The following NBPF20 variants were observed in gnomAD, a reference collection of about 807,000 sequenced individuals.
The protein encoded by NBPF20 is NBPF family member NBPF20.
A neutral mutation model predicts 68.1 loss-of-function variants in NBPF20; 90 were observed. The observed-to-expected ratio is 1.32, with a 90% confidence interval of 1.11 to 1.58. NBPF20 has a LOEUF of 1.58. Ranked by LOEUF, NBPF20 falls within the 40% of genes most tolerant of loss-of-function variation. NBPF20 has a pLI of 0.00. For missense variants in NBPF20, 816 were observed against 601.2 expected, an observed-to-expected ratio of 1.36 and a Z score of -3.74; for synonymous variants, 290 against 228.1, an observed-to-expected ratio of 1.27 and a Z score of -2.45.
exon 138 of NBPF20, chr1:145,291,415 T>G: frequency 6.2e-7 from 1 of 1,606,270 alleles, no homozygotes; most frequent in East Asian, 2.2e-5. Context: ...CCATGCCCAC[T>G]GACCCATCCT....
intron 9 of NBPF20, 188 bp downstream of exon 14, chr1:145,393,696 T>C (rs1295319927): frequency 6.9e-7 from 1 of 1,447,356 alleles, no homozygotes; most frequent in South Asian, 1.2e-5. Context: ...GGTTAGTAAA[T>C]GATAAGGGTA....
exon 8 of NBPF20, chr1:145,395,019 G>A: frequency 6.2e-7 from 1 of 1,611,764 alleles, no homozygotes; most frequent in Non-Finnish European, 8.5e-7. Flanking sequence ...TTCCTCTAAT[G>A]AGTGAAATGT....
At chr1:145,412,338 C>G in the NBPF20 span, among the ~76,000 whole-genome samples, 3 of 152,044 alleles carry the variant, frequency 2.0e-5, no homozygotes, top group African/African-American at 7.2e-5. Context: ...GGTGGTATTT[C>G]AGATTAAGAC....
At chr1:145,402,313 C>T (rs1662561642) in exon 4 of NBPF20, 2 of 1,610,564 alleles carry the variant, frequency 1.2e-6, no homozygotes, top group African/African-American at 1.3e-5. Flanking sequence ...GGCATCTCTC[C>T]CTTCCCGCAA....
At chr1:145,366,604 A>G in intron 43 of NBPF20, among the ~76,000 whole-genome samples, 1 of 92,994 alleles carries the variant, frequency 1.1e-5, no homozygotes, top group East Asian at 4.1e-4. Context: ...ACACACACAC[A>G]CACAGAGAGA....
intron 75 of NBPF20, among the ~76,000 whole-genome samples, chr1:145,341,141 G>C (rs1375171206): frequency 3.7e-5 from 3 of 80,594 alleles, no homozygotes; most frequent in Admixed American, 1.1e-4. Flanking sequence ...GAGAGAGAGA[G>C]ACAGAGACAG....
At chr1:145,408,736 A>G (rs1320216907), upstream of NBPF20, among the ~76,000 whole-genome samples, 2 of 151,994 alleles carry the variant, frequency 1.3e-5, no homozygotes, top group African/African-American at 2.4e-5. Flanking sequence ...AACATGATAT[A>G]TATTTATTTA....
At chr1:145,396,853 G>C (rs1189182365) in intron 7 of NBPF20, among the ~76,000 whole-genome samples, 3 of 138,002 alleles carry the variant, frequency 2.2e-5, no homozygotes, top group African/African-American at 8.2e-5. Context: ...TGTCCACATT[G>C]GTGTGCTTCA....
chr1:145,394,635 A>G (rs1405611378), intron 8 of NBPF20, among the ~76,000 whole-genome samples: 1 of 152,040 alleles, frequency 6.6e-6, no homozygotes, highest in African/African-American at 2.4e-5. Flanking sequence ...GTAGCTGGCA[A>G]GAGACATTTA....
At chr1:145,415,602 T>C in the NBPF20 span, among the ~76,000 whole-genome samples, 1 of 147,170 alleles carries the variant, frequency 6.8e-6, no homozygotes, top group South Asian at 2.3e-4. Flanking sequence ...TGATGACTCT[T>C]AACAAGCATG....
the NBPF20 span, among the ~76,000 whole-genome samples, chr1:145,425,457 C>A: frequency 1.3e-5 from 2 of 152,324 alleles, no homozygotes; most frequent in East Asian, 1.9e-4. Flanking sequence ...GTCGCCCGTC[C>A]CGCGTTCCCA....
intron 115 of NBPF20, among the ~76,000 whole-genome samples, chr1:145,309,481 G>T (rs1421659957): frequency 1.4e-5 from 1 of 70,666 alleles, no homozygotes; most frequent in Non-Finnish European, 2.7e-5. Flanking sequence ...CACACACACA[G>T]ACACACACAC....
chr1:145,403,805 A>G (rs1359922600), intron 2 of NBPF20, among the ~76,000 whole-genome samples: 4 of 151,808 alleles, frequency 2.6e-5, no homozygotes, highest in Admixed American at 2.0e-4. Context: ...ATCTTCAGTT[A>G]TGATTTTAAG....
intron 28 of NBPF20, 44 bp from the exon 34 acceptor site, chr1:145,378,138 C>G: frequency 4.9e-5 from 7 of 143,010 alleles, no homozygotes; most frequent in South Asian, 1.0e-4. Context: ...AGCTGGTTCT[C>G]CTACACACAT....
upstream of NBPF20, among the ~76,000 whole-genome samples, chr1:145,407,525 G>A (rs1378119819): frequency 3.0e-4 from 44 of 144,780 alleles, 2 homozygotes; most frequent in South Asian, 7.7e-3. Flanking sequence ...ATATACATAC[G>A]TGTATATATA....
chr1:145,402,578 T>C (rs1219429693), intron 3 of NBPF20, among the ~76,000 whole-genome samples, 197 bp from the exon 9 acceptor site: 186 of 152,086 alleles, frequency 1.2e-3, no homozygotes, highest in African/African-American at 4.0e-3. Flanking sequence ...GAGAGGGCTC[T>C]TGCAAGATCC....
exon 44 of NBPF20, chr1:145,366,328 T>G: frequency 6.6e-5 from 6 of 91,396 alleles, no homozygotes; most frequent in South Asian, 4.0e-4. Flanking sequence ...CAGGCTCTAC[T>G]ACCTCCAGCA....
exon 138 of NBPF20, chr1:145,291,749 T>A (rs1321126507): frequency 7.7e-5 from 124 of 1,611,680 alleles, no homozygotes; most frequent in Non-Finnish European, 1.0e-4. Context: ...CTCTTCCACT[T>A]CCATCAGCAC....
chr1:145,394,275 C>G (rs1200770832), intron 8 of NBPF20, among the ~76,000 whole-genome samples: 2 of 151,464 alleles, frequency 1.3e-5, no homozygotes, highest in East Asian at 1.9e-4. Flanking sequence ...TAAGCTTTCT[C>G]TCATCAAATA....
Sources: allele counts gnomAD v4.1 joint callset (sites outside exome capture counted in the v4.1 genomes callset), GRCh38; gene constraint gnomAD v4.1.1; transcripts MANE v1.5; gene names NCBI Gene and HGNC (gene_info 2026-07-23, HGNC 2026-07-21).